CAAP1: variants seen among roughly 807,000 people sequenced by gnomAD.
CAAP1 encodes the protein conserved anti-apoptotic protein.
Under a neutral mutation model 34.0 loss-of-function variants are expected in CAAP1, and 20 were observed. The ratio of observed to expected loss-of-function variants is 0.59; its 90% CI spans 0.41 to 0.86. CAAP1 has a LOEUF of 0.86. Among genes scored for constraint, CAAP1 ranks in the 40% least tolerant of loss-of-function variants. The pLI is 0.00. For synonymous variants in CAAP1, 213 were observed against 166.7 expected, an observed-to-expected ratio of 1.28 and a Z score of -2.14; for missense variants, 538 against 450.5, an observed-to-expected ratio of 1.19 and a Z score of -1.76.
chr9:26,863,718 G>C (rs561185746), intron 4 of CAAP1, among the ~76,000 whole-genome samples: 5 of 143,884 alleles, frequency 3.5e-5, no homozygotes, highest in Non-Finnish European at 7.5e-5. Context: ...CACTGCCAAA[G>C]CCAGTTTGGG....
chr9:26,846,491 T>C (rs966521673), intron 5 of CAAP1, among the ~76,000 whole-genome samples: 1 of 151,678 alleles, frequency 6.6e-6, no homozygotes. Context: ...ATGGTGTCTT[T>C]GGCTATGATT....
chr9:26,882,681 C>A (rs1454958405), intron 4 of CAAP1, among the ~76,000 whole-genome samples: 1 of 152,164 alleles, frequency 6.6e-6, no homozygotes, highest in African/African-American at 2.4e-5. Context: ...CCCCAGACCC[C>A]AGAAGGGTAT....
chr9:26,883,629 A>G (rs1823656098), intron 4 of CAAP1, among the ~76,000 whole-genome samples: 2 of 152,212 alleles, frequency 1.3e-5, no homozygotes, highest in South Asian at 2.1e-4. Context: ...TTAAAAAGGG[A>G]TAACAAATAT....
chr9:26,878,288 T>G (rs1823495492), intron 4 of CAAP1, among the ~76,000 whole-genome samples: 1 of 152,232 alleles, frequency 6.6e-6, no homozygotes, highest in South Asian at 2.1e-4. Flanking sequence ...ATCTTCTCTC[T>G]AGATATCAAG....
intron 5 of CAAP1, among the ~76,000 whole-genome samples, chr9:26,844,316 C>T (rs968593502): frequency 6.6e-6 from 1 of 152,054 alleles, no homozygotes; most frequent in African/African-American, 2.4e-5. Context: ...AAGATCGTGC[C>T]ATTGCACTCC....
chr9:26,882,499 G>A (rs1667101615), intron 4 of CAAP1, among the ~76,000 whole-genome samples: 1 of 152,206 alleles, frequency 6.6e-6, no homozygotes, highest in South Asian at 2.1e-4. Context: ...CTAGATTTCA[G>A]AGGATGTATG....
chr9:26,841,177 T>C lies in CAAP1; in HGVS notation c.*1124A>G, dbSNP rs532556964. On this transcript the variant is annotated 3_prime_UTR_variant, in exon 6 of 6. Transcript: ENST00000333916. ...ATATATAAGGAAAGTCCTCATACAG[T>C]ATCAGTAGACCATGGCTTATAAATA... The C allele has an allele frequency of 1.5e-4, 23 of 152,336 alleles. No individual in the cohort carries two copies. Among genetic ancestry groups the C allele is most frequent in the African/African-American group, 3.6e-4 (15 of 41,582 alleles). The allele number at this position is 152,336 out of a possible 1,614,324, so 9.4% of individuals were successfully genotyped here.
At chr9:26,855,768 T>A (rs949329936) in intron 5 of CAAP1, among the ~76,000 whole-genome samples, 2 of 152,180 alleles carry the variant, frequency 1.3e-5, no homozygotes, top group Non-Finnish European at 2.9e-5. Flanking sequence ...TTTCCTTTGG[T>A]AGGAGCACTT....
chr9:26,876,732 T>C (rs1314600245), intron 4 of CAAP1, among the ~76,000 whole-genome samples: 1 of 152,148 alleles, frequency 6.6e-6, no homozygotes, highest in Non-Finnish European at 1.5e-5. Context: ...AGTTTAAGCA[T>C]CCCTAATCTG....
intron 1 of CAAP1, among the ~76,000 whole-genome samples, chr9:26,890,415 A>G (rs1284121684): frequency 1.3e-5 from 2 of 152,080 alleles, no homozygotes; most frequent in Admixed American, 1.3e-4. Context: ...TAAGAATGGT[A>G]ATATCCAAAA....
chr9:26,885,722 T>C (rs949914346), intron 3 of CAAP1, among the ~76,000 whole-genome samples: 3 of 152,222 alleles, frequency 2.0e-5, no homozygotes, highest in African/African-American at 7.2e-5. Flanking sequence ...CTGGGTCTTA[T>C]TAGAGAGTAA....
chr9:26,853,023 T>C (rs76847899), intron 5 of CAAP1, among the ~76,000 whole-genome samples: 180 of 152,292 alleles, frequency 1.2e-3, no homozygotes, highest in Admixed American at 3.3e-3. Context: ...CACATCATGT[T>C]AAGGCTGTAT....
intron 4 of CAAP1, among the ~76,000 whole-genome samples, chr9:26,872,456 C>T (rs1426773078): frequency 1.3e-5 from 2 of 151,740 alleles, no homozygotes; most frequent in African/African-American, 4.9e-5. Flanking sequence ...TTTAAGAATA[C>T]ATATGTATTC....
intron 4 of CAAP1, among the ~76,000 whole-genome samples, chr9:26,875,491 T>C (rs547634035): frequency 2.0e-5 from 3 of 152,202 alleles, no homozygotes; most frequent in Non-Finnish European, 4.4e-5. Flanking sequence ...AATTTTTTCA[T>C]GTATTTTAAT....
intron 5 of CAAP1, among the ~76,000 whole-genome samples, chr9:26,858,996 CAAAAAA>C (rs397790530): frequency 1.5e-5 from 1 of 65,536 alleles, no homozygotes; most frequent in African/African-American, 5.2e-5. Flanking sequence ...GAGACTGTCT[CAAAAAA>C]AAAAAAAAAA....
At chr9:26,847,498 G>A (rs927909068) in intron 5 of CAAP1, among the ~76,000 whole-genome samples, 1 of 151,928 alleles carries the variant, frequency 6.6e-6, no homozygotes, top group African/African-American at 2.4e-5. Context: ...ACAGGAGTGA[G>A]CCACCGTGCC....
chr9:26,871,296 G>C (rs1489951512), intron 4 of CAAP1, among the ~76,000 whole-genome samples: 1 of 152,144 alleles, frequency 6.6e-6, no homozygotes, highest in East Asian at 1.9e-4. Context: ...AAATAAAAGA[G>C]ACCAGGCGCA....
In CAAP1 at chr9:26,892,711, G is replaced by T; in HGVS notation, c.5C>A (p.Thr2Lys). ...TTTCTCCCGGGAGGACTTTTTCCCC[G>T]TCATGATCCCTCTGCTGCAACCATC... M[T>K]GKKSSREKRR... The change falls in exon 1 of 6, where the codon ACG (threonine) becomes AAG (lysine). Residue 2 changes from threonine to lysine, a missense_variant. Around this residue, in one of 3 missense-constraint regions of CAAP1, gnomAD observed 514 missense variants for 408.4 expected, o/e 1.26. Transcript: ENST00000333916. The T allele has an allele frequency of 6.3e-7, 1 of 1,591,914 alleles. No individual in the cohort carries two copies.
intron 4 of CAAP1, among the ~76,000 whole-genome samples, chr9:26,876,197 C>T (rs2131329103): frequency 6.6e-6 from 1 of 152,242 alleles, no homozygotes; most frequent in Non-Finnish European, 1.5e-5. Context: ...TGGATCCTTC[C>T]TCCATCTTCC....
Sources: allele counts gnomAD v4.1 joint callset (sites outside exome capture counted in the v4.1 genomes callset), GRCh38; gene constraint gnomAD v4.1.1; regional missense constraint gnomAD v4.1.1; transcripts MANE v1.5; gene names NCBI Gene and HGNC (gene_info 2026-07-23, HGNC 2026-07-21).